The following SH3BGRL2 variants were observed in gnomAD, a reference collection of about 807,000 sequenced individuals.
The protein encoded by SH3BGRL2 is SH3 domain binding glutamate rich protein like 2.
Under a neutral mutation model 14.8 loss-of-function variants are expected in SH3BGRL2, and 21 were observed. The observed-to-expected ratio is 1.42, with a 90% CI of 1.01 to 2.05. The LOEUF is 2.05. Ranked by LOEUF, SH3BGRL2 falls within the 30% of genes most tolerant of loss-of-function variation. The pLI is 0.00. For missense variants in SH3BGRL2, 147 were observed against 130.8 expected (o/e 1.12, Z -0.61); for synonymous variants, 50 against 47.8 (o/e 1.05, Z -0.19).
intron 2 of SH3BGRL2, 22 bp downstream of exon 2, chr6:79,673,821 A>G (rs1769827694): frequency 1.2e-6 from 2 of 1,602,820 alleles, no homozygotes; most frequent in East Asian, 2.2e-5. Flanking sequence ...GACTGTTATC[A>G]TGCTGTTTCT....
At chr6:79,691,265 G>A (rs894364015) in intron 2 of SH3BGRL2, among the ~76,000 whole-genome samples, 5 of 152,184 alleles carry the variant, frequency 3.3e-5, no homozygotes, top group African/African-American at 7.2e-5. Context: ...ACAAGGAGTG[G>A]GAAGTCTCAA....
the SH3BGRL2 span, among the ~76,000 whole-genome samples, chr6:79,547,484 C>A: frequency 6.6e-6 from 1 of 152,100 alleles, no homozygotes; most frequent in Non-Finnish European, 1.5e-5. Flanking sequence ...TGGCATCTGA[C>A]CTGAACATGC....
chr6:79,636,209 G>C (rs2127722537), intron 1 of SH3BGRL2, among the ~76,000 whole-genome samples: 1 of 152,290 alleles, frequency 6.6e-6, no homozygotes, highest in East Asian at 1.9e-4. Context: ...CAGGTGGGGG[G>C]ACCTTTAGTC....
chr6:79,648,179 T>A (rs1217869900), intron 1 of SH3BGRL2, among the ~76,000 whole-genome samples: 1 of 148,150 alleles, frequency 6.7e-6, no homozygotes, highest in Admixed American at 6.8e-5. Context: ...CAAGGCCTTT[T>A]TGGTCTGGCA....
At chr6:79,621,846 T>C in the SH3BGRL2 span, among the ~76,000 whole-genome samples, 1 of 152,162 alleles carries the variant, frequency 6.6e-6, no homozygotes, top group Non-Finnish European at 1.5e-5. Context: ...GGAGTACTTC[T>C]GGGGAAGCTC....
chr6:79,631,157 A>G, upstream of SH3BGRL2: 1 of 324,380 alleles, frequency 3.1e-6, no homozygotes, highest in Non-Finnish European at 5.6e-6. Context: ...CGTGTTCGGG[A>G]TAGAAGCGCG....
chr6:79,603,477 C>T, the SH3BGRL2 span, among the ~76,000 whole-genome samples: 1 of 152,232 alleles, frequency 6.6e-6, no homozygotes, highest in Non-Finnish European at 1.5e-5. Flanking sequence ...ACAAAGACTT[C>T]TCACTTGCCA....
chr6:79,602,269 C>T, the SH3BGRL2 span, among the ~76,000 whole-genome samples: 1 of 152,024 alleles, frequency 6.6e-6, no homozygotes, highest in Non-Finnish European at 1.5e-5. Context: ...ATAAACAAGT[C>T]ATCAAATAAA....
intron 2 of SH3BGRL2, among the ~76,000 whole-genome samples, chr6:79,684,460 C>G (rs1461971073): frequency 6.6e-6 from 1 of 152,010 alleles, no homozygotes; most frequent in Admixed American, 6.6e-5. Context: ...ATCTTAGTAT[C>G]TGGTATCCAT....
chr6:79,575,724 A>G, the SH3BGRL2 span, among the ~76,000 whole-genome samples: 5 of 152,206 alleles, frequency 3.3e-5, no homozygotes, highest in Non-Finnish European at 5.9e-5. Context: ...TTTCCATTTT[A>G]AACTTTCATG....
the SH3BGRL2 span, among the ~76,000 whole-genome samples, chr6:79,592,003 C>T: frequency 1.3e-5 from 2 of 152,160 alleles, no homozygotes; most frequent in Admixed American, 6.5e-5. Flanking sequence ...ATGCACAGCC[C>T]GAGAAAGTGC....
intron 1 of SH3BGRL2, among the ~76,000 whole-genome samples, chr6:79,669,148 T>A (rs547088207): frequency 6.6e-6 from 1 of 152,326 alleles, no homozygotes; most frequent in East Asian, 1.9e-4. Flanking sequence ...TCCTGCACGC[T>A]GGTCCTTCTG....
At chr6:79,656,338 G>A (rs779850914) in intron 1 of SH3BGRL2, among the ~76,000 whole-genome samples, 13 of 152,220 alleles carry the variant, frequency 8.5e-5, no homozygotes, top group Non-Finnish European at 1.8e-4. Context: ...TGAATGGGTG[G>A]TGGTGCCATC....
rs560661358 is a variant in SH3BGRL2 at position 79,646,412 on chromosome 6, A to G, written c.45+14906A>G. Among the ~76,000 whole-genome samples, 5 of 152,362 alleles carry G rather than the reference A, an allele frequency of 3.3e-5. No individual in the cohort carries two copies. In the South Asian group the frequency reaches 1.0e-3, roughly 32 times the overall value. On this transcript the variant is annotated intron_variant, in intron 1 of 3. Transcript: ENST00000369838. The stretch of plus-strand genomic sequence containing the variant: ...GAGCAGTGTATTATGGAGCTAGCAT[A>G]CTGCATTGGAAGTTGGGAGACTTGG...
the SH3BGRL2 span, among the ~76,000 whole-genome samples, chr6:79,616,031 G>A: frequency 6.6e-6 from 1 of 151,802 alleles, no homozygotes; most frequent in Non-Finnish European, 1.5e-5. Context: ...GGTCAGGCTG[G>A]TCTCAAATTC....
the SH3BGRL2 span, among the ~76,000 whole-genome samples, chr6:79,620,797 T>C: frequency 3.3e-5 from 5 of 152,206 alleles, no homozygotes; most frequent in African/African-American, 1.2e-4. Flanking sequence ...ACAAGTCTGA[T>C]GGAAAGAATT....
At chr6:79,660,733 C>T (rs534045095) in intron 1 of SH3BGRL2, among the ~76,000 whole-genome samples, 5 of 152,140 alleles carry the variant, frequency 3.3e-5, no homozygotes, top group Non-Finnish European at 7.3e-5. Flanking sequence ...CCTCTTTGTA[C>T]CTCTGGTAGA....
At chr6:79,569,707 G>A in the SH3BGRL2 span, among the ~76,000 whole-genome samples, 2 of 152,068 alleles carry the variant, frequency 1.3e-5, no homozygotes, top group African/African-American at 4.8e-5. Flanking sequence ...CTTGGGTCAG[G>A]GGGGTGCTTA....
At chr6:79,584,052 G>A in the SH3BGRL2 span, among the ~76,000 whole-genome samples, 1 of 152,190 alleles carries the variant, frequency 6.6e-6, no homozygotes, top group South Asian at 2.1e-4. Context: ...AATGCAATTT[G>A]TAGGTCTAGT....
Sources: allele counts gnomAD v4.1 joint callset (sites outside exome capture counted in the v4.1 genomes callset), GRCh38; gene constraint gnomAD v4.1.1; transcripts MANE v1.5; gene names NCBI Gene and HGNC (gene_info 2026-07-23, HGNC 2026-07-21).